SORCS3: variants seen among roughly 807,000 people sequenced by gnomAD.
SORCS3 encodes the protein VPS10 domain-containing receptor SorCS3.
A neutral mutation model predicts 146.3 loss-of-function variants in SORCS3; 57 were observed. The observed-to-expected ratio is 0.39, with a 90% CI of 0.31 to 0.49. The LOEUF is 0.49. SORCS3 is among the 20% of genes least tolerant of loss of function. The probability of loss-of-function intolerance (pLI) is 0.92; values close to 1 mark genes in which losing one functional copy is unlikely to be tolerated. For missense variants in SORCS3, 1,341 were observed against 1,575.5 expected (o/e 0.85, Z 2.52); for synonymous variants, 653 against 618.5 (o/e 1.06, Z -0.83).
chr10:105,214,328 C>T (rs985137588), intron 17 of SORCS3, 114 bp from the exon 18 acceptor site: 57 of 1,136,088 alleles, frequency 5.0e-5, no homozygotes, highest in Non-Finnish European at 7.1e-5. Flanking sequence ...CTGTGTGAAG[C>T]ACCTGTTTTG....
At chr10:104,761,440 T>C (rs1454699606) in intron 1 of SORCS3, among the ~76,000 whole-genome samples, 1 of 152,186 alleles carries the variant, frequency 6.6e-6, no homozygotes, top group Non-Finnish European at 1.5e-5. Context: ...CCAAGTGTTC[T>C]GAGTACAGGA....
At chr10:105,034,364 G>A (rs1476527756) in intron 4 of SORCS3, among the ~76,000 whole-genome samples, 1 of 152,164 alleles carries the variant, frequency 6.6e-6, no homozygotes, top group Non-Finnish European at 1.5e-5. Context: ...TTCATGGCAT[G>A]TTTGAGAAAC....
chr10:104,856,053 T>A (rs1049950227), intron 2 of SORCS3, among the ~76,000 whole-genome samples: 1 of 152,180 alleles, frequency 6.6e-6, no homozygotes, highest in Admixed American at 6.5e-5. Flanking sequence ...TTTGAATGTT[T>A]ATTGTGAACT....
intron 5 of SORCS3, among the ~76,000 whole-genome samples, chr10:105,049,111 C>T (rs891156939): frequency 1.3e-5 from 2 of 152,068 alleles, no homozygotes; most frequent in African/African-American, 4.8e-5. Context: ...AAAGACTTGA[C>T]TGCATTTTTT....
At chr10:105,109,294 C>T (rs1364285751) in intron 7 of SORCS3, among the ~76,000 whole-genome samples, 1 of 152,082 alleles carries the variant, frequency 6.6e-6, no homozygotes, top group Non-Finnish European at 1.5e-5. Context: ...TTATGAAGCA[C>T]TACAGAAGAA....
At chr10:104,747,504 G>A (rs573991272) in intron 1 of SORCS3, among the ~76,000 whole-genome samples, 7 of 152,238 alleles carry the variant, frequency 4.6e-5, no homozygotes, top group South Asian at 2.1e-4. Context: ...CTTCCAATAC[G>A]CTGAGAAATC....
intron 1 of SORCS3, among the ~76,000 whole-genome samples, chr10:104,642,961 C>G (rs1472346768): frequency 6.6e-6 from 1 of 152,236 alleles, no homozygotes; most frequent in Admixed American, 6.5e-5. Flanking sequence ...GGAGGGGCTC[C>G]CCCTACCTCG....
At chr10:104,741,430 T>C (rs2016841280) in intron 1 of SORCS3, among the ~76,000 whole-genome samples, 2 of 152,094 alleles carry the variant, frequency 1.3e-5, no homozygotes, top group South Asian at 4.1e-4. Context: ...GTGCATTTCT[T>C]GGGTTTATCC....
intron 5 of SORCS3, among the ~76,000 whole-genome samples, chr10:105,074,545 C>T (rs2055576994): frequency 6.6e-6 from 1 of 152,196 alleles, no homozygotes; most frequent in Admixed American, 6.5e-5. Context: ...TATGTTGTCG[C>T]AGGAACATGT....
chr10:104,885,628 A>G (rs548550041), intron 2 of SORCS3, among the ~76,000 whole-genome samples: 5 of 152,176 alleles, frequency 3.3e-5, no homozygotes, highest in Admixed American at 6.5e-5. Flanking sequence ...CCATGAAACA[A>G]TATTTTTCGT....
chr10:104,759,798 C>A (rs531173843), intron 1 of SORCS3, among the ~76,000 whole-genome samples: 1 of 152,110 alleles, frequency 6.6e-6, no homozygotes, highest in Non-Finnish European at 1.5e-5. Context: ...GGATCTGTCA[C>A]GGCCTGGTGA....
intron 11 of SORCS3, among the ~76,000 whole-genome samples, chr10:105,160,909 T>C (rs1283909370): frequency 5.9e-5 from 9 of 152,192 alleles, no homozygotes; most frequent in Middle Eastern, 3.2e-3. Context: ...GCTTCATTTT[T>C]CTCATCTGTA....
In SORCS3 at chr10:105,135,064, A is replaced by G. The variant is rs529402295; in HGVS notation, c.1213-4333A>G. Among the ~76,000 whole-genome samples the G allele has an allele frequency of 2.0e-5, 3 of 152,212 alleles. No individual in the cohort carries two copies. In the South Asian group the frequency reaches 6.2e-4, roughly 32 times the overall value. Reference sequence around the variant, plus strand: ...AGGAATGAGTAACAAGTCTCGGTGAAGTCCAAAACCCAACAGGGTAAACAA... The same window carrying G: ...AGGAATGAGTAACAAGTCTCGGTGAGGTCCAAAACCCAACAGGGTAAACAA... On this transcript the variant is annotated intron_variant, in intron 7 of 26. Transcript: ENST00000369701.
intron 14 of SORCS3, among the ~76,000 whole-genome samples, chr10:105,195,969 C>T (rs2056541712): frequency 6.6e-6 from 1 of 152,032 alleles, no homozygotes; most frequent in South Asian, 2.1e-4. Flanking sequence ...CTGGGAAACA[C>T]AATATAAGAA....
chr10:104,860,721 T>C (rs1379070517), intron 2 of SORCS3, among the ~76,000 whole-genome samples: 1 of 152,080 alleles, frequency 6.6e-6, no homozygotes, highest in Non-Finnish European at 1.5e-5. Flanking sequence ...CAGGTAAAAA[T>C]AGGTAAACAC....
chr10:105,129,331 C>CTCTTTT (rs1172062304), intron 7 of SORCS3, among the ~76,000 whole-genome samples: 7 of 104,634 alleles, frequency 6.7e-5, no homozygotes, highest in African/African-American at 2.7e-4. Flanking sequence ...CTTTCTTTCT[C>CTCTTTT]TTTTTTTTTT....
intron 4 of SORCS3, among the ~76,000 whole-genome samples, chr10:105,015,274 A>T (rs774123444): frequency 2.6e-5 from 4 of 152,214 alleles, no homozygotes; most frequent in Admixed American, 1.3e-4. Flanking sequence ...CTACTCCTGG[A>T]TATAAACCCT....
rs143728687 is a variant in SORCS3, at chr10:104,752,566, A to G, written c.628-90226A>G. ...GGCCAGCTCAGAGGCTGGACCACAG[A>G]TATATTTAGCCTCCCTCTTCCATTT... On this transcript the variant is annotated intron_variant, in intron 1 of 26. Transcript: ENST00000369701. Among the ~76,000 whole-genome samples, 353 of 152,270 alleles carry G rather than the reference A, an allele frequency of 2.3e-3. 1 individual carries two copies. The highest frequency in any genetic ancestry group is 8.2e-3 in the African/African-American group (340 of 41,550).
At chr10:104,761,391 C>T (rs1255715918) in intron 1 of SORCS3, among the ~76,000 whole-genome samples, 1 of 151,928 alleles carries the variant, frequency 6.6e-6, no homozygotes, top group African/African-American at 2.4e-5. Flanking sequence ...AGATACATAC[C>T]ATATCTGGAG....
Sources: gnomAD v4.1 joint callset for allele counts (sites outside exome capture counted in the v4.1 genomes callset) on GRCh38, gnomAD v4.1.1 for gene constraint, MANE v1.5 for transcripts, NCBI Gene and HGNC (gene_info 2026-07-23, HGNC 2026-07-21) for gene names.